The following AGAP1 variants were observed in gnomAD, a reference collection of about 807,000 sequenced individuals.
AGAP1 encodes the protein arf-GAP with GTPase, ANK repeat and PH domain-containing protein 1.
AGAP1 carries 29 observed loss-of-function variants against 105.3 expected under a neutral mutation model. That is an observed-to-expected ratio of 0.28 (90% CI 0.21 to 0.38). The LOEUF (loss-of-function observed/expected upper bound fraction) is 0.38. Among genes scored for constraint, AGAP1 ranks in the 10% least tolerant of loss-of-function variants. AGAP1 has a pLI of 1.00. For missense variants in AGAP1, 998 were observed against 1,165.1 expected (o/e 0.86, Z 2.09); for synonymous variants, 509 against 485.9 (o/e 1.05, Z -0.63).
At chr2:235,531,273 G>A (rs1400483450) in intron 1 of AGAP1, among the ~76,000 whole-genome samples, 1 of 152,202 alleles carries the variant, frequency 6.6e-6, no homozygotes, top group South Asian at 2.1e-4. Context: ...TTTTGCAGCC[G>A]GCCTCACACT....
Position 235,971,574 on chromosome 2 carries a change from C to A in AGAP1, c.1645+2951C>A, listed in dbSNP as rs989577884. On this transcript the variant is annotated intron_variant, in intron 13 of 17. Transcript: ENST00000304032. This position sits in a 1 kb window ranked among gnomAD's most constrained non-coding sequence, Gnocchi z 4.8. ...ATTAGCTGGGCATGGTGGCAGGTCC[C>A]AGCTACTTGGGAGGCTGAGGCAGGA... is the stretch of plus-strand genomic sequence containing the variant. 4.0e-5 allele frequency among the ~76,000 whole-genome samples: 6 copies of A among 151,824 alleles called. No individual in the cohort carries two copies. The highest frequency in any genetic ancestry group is 1.5e-4 in the African/African-American group (6 of 41,350).
intron 13 of AGAP1, among the ~76,000 whole-genome samples, chr2:235,987,549 ATC>A (rs2055373579): frequency 8.1e-6 from 1 of 123,006 alleles, no homozygotes; most frequent in Non-Finnish European, 1.6e-5. Context: ...TCTCTACTCT[ATC>A]AATTCTTCTC....
At chr2:236,075,427 T>C (rs956307589) in intron 16 of AGAP1, among the ~76,000 whole-genome samples, 2 of 152,092 alleles carry the variant, frequency 1.3e-5, no homozygotes, top group Non-Finnish European at 2.9e-5. Context: ...GACAGATGAA[T>C]GGGGGATGAA....
intron 9 of AGAP1, among the ~76,000 whole-genome samples, chr2:235,833,870 T>A (rs2106355465): frequency 6.6e-6 from 1 of 151,570 alleles, no homozygotes; most frequent in African/African-American, 2.4e-5. Context: ...TTTTTTTTTT[T>A]TTTTAAAGCT....
At chr2:235,573,739 G>A (rs1559259747) in intron 1 of AGAP1, among the ~76,000 whole-genome samples, 1 of 152,222 alleles carries the variant, frequency 6.6e-6, no homozygotes. Flanking sequence ...CAGCAGGTGG[G>A]CTTGGCAGGT....
At position 235,517,467 on chromosome 2, in the gene AGAP1, T is replaced by G. The variant is rs754538448; in HGVS notation, c.163+22618T>G. Among the ~76,000 whole-genome samples, 25 of 152,178 alleles carry G rather than the reference T, an allele frequency of 1.6e-4. No individual in the cohort carries two copies. Among genetic ancestry groups the G allele is most frequent in the Non-Finnish European group, 2.9e-4 (20 of 68,040 alleles). ...CATAGCTGTGCCCAACGTAGATCTT[T>G]ATGGTAATTTTATTTTAATTGAGGT... On this transcript the variant is annotated intron_variant, in intron 1 of 17. Transcript: ENST00000304032. The surrounding 1 kb of genome is among the most constrained non-coding windows in gnomAD (Gnocchi z 4.1).
Position 236,097,332 on chromosome 2 carries a change from T to C in AGAP1, c.2115-22860T>C, listed in dbSNP as rs193242700. 7.2e-5 allele frequency among the ~76,000 whole-genome samples: 11 copies of C among 151,830 alleles called. No homozygotes were observed. In the East Asian group the frequency reaches 1.9e-3, roughly 27 times the overall value. On this transcript the variant is annotated intron_variant, in intron 16 of 17. Transcript: ENST00000304032. Reference sequence around the variant, plus strand: ...AGCAAAGGAGCACCAGATTCTGGATTTTTTAACTGTCATGAAATATACATA... The same window carrying C: ...AGCAAAGGAGCACCAGATTCTGGATCTTTTAACTGTCATGAAATATACATA...
At chr2:235,543,027 C>A (rs11504875) in intron 1 of AGAP1, among the ~76,000 whole-genome samples, 8,335 of 150,500 alleles carry the variant, frequency 0.055, 734 homozygotes, top group African/African-American at 0.19. Flanking sequence ...ACCTGTTTGT[C>A]GAGTTGAGCC....
intron 1 of AGAP1, among the ~76,000 whole-genome samples, chr2:235,572,224 C>CTG (rs1377056591): frequency 2.0e-5 from 3 of 151,360 alleles, no homozygotes; most frequent in East Asian, 2.0e-4. Flanking sequence ...GTGCCGTGCC[C>CTG]TGTGTGTGTG....
chr2:235,673,998 A>G (rs1948584869), intron 1 of AGAP1, among the ~76,000 whole-genome samples: 1 of 152,250 alleles, frequency 6.6e-6, no homozygotes, highest in Non-Finnish European at 1.5e-5. Flanking sequence ...ATTTTAAAGC[A>G]CACACAGGCT....
At chr2:235,619,982 C>T (rs1256939719) in intron 1 of AGAP1, among the ~76,000 whole-genome samples, 2 of 152,174 alleles carry the variant, frequency 1.3e-5, no homozygotes, top group Non-Finnish European at 2.9e-5. Flanking sequence ...GCATGGCTGT[C>T]CCAAGGAGAC....
intron 1 of AGAP1, among the ~76,000 whole-genome samples, chr2:235,630,336 G>C (rs1039054937): frequency 6.6e-6 from 1 of 151,866 alleles, no homozygotes. Flanking sequence ...TCAACCTCCC[G>C]AGTAGTTGGG....
At chr2:235,858,590 A>AT (rs2048783775) in intron 9 of AGAP1, among the ~76,000 whole-genome samples, 1 of 152,306 alleles carries the variant, frequency 6.6e-6, no homozygotes, top group Non-Finnish European at 1.5e-5. Flanking sequence ...CTGAGAGATG[A>AT]TAAAAAAAAA....
rs1015502597 is a variant in AGAP1, at chr2:235,752,964, G to A, written c.673+2476G>A. On this transcript the variant is annotated intron_variant, in intron 6 of 17. Coordinates refer to ENST00000304032, the MANE Select transcript of AGAP1 (RefSeq NM_001037131.3). This position sits in a 1 kb window ranked among gnomAD's most constrained non-coding sequence, Gnocchi z 4.3. ...GTCTGCTGAGGGCCATCCTCCTAGT[G>A]GGATATGTGTTTGCATAGTGGAGAA... Among the ~76,000 whole-genome samples the A allele has an allele frequency of 2.1e-4, 32 of 152,160 alleles. No individual in the cohort carries two copies. The highest frequency in any genetic ancestry group is 1.3e-3 in the Admixed American group (20 of 15,282).
chr2:235,743,593 C>G (rs1952715924), intron 4 of AGAP1, among the ~76,000 whole-genome samples: 1 of 152,168 alleles, frequency 6.6e-6, no homozygotes, highest in Admixed American at 6.5e-5. Flanking sequence ...GTATTTATCA[C>G]TAGAACTTTG....
rs1308705815 is a variant in AGAP1 at position 235,891,190 on chromosome 2, C to G, written c.1155+7741C>G. ...CTGGCCGCACTTGCTGCAGTACTGA[C>G]CGCCCTAACAGCTCCTTTATCTCCA... is the stretch of plus-strand genomic sequence containing the variant. On this transcript the variant is annotated intron_variant, in intron 10 of 17. Transcript: ENST00000304032. The surrounding 1 kb of genome is among the most constrained non-coding windows in gnomAD (Gnocchi z 4.2). Among the ~76,000 whole-genome samples, 1 of 152,178 alleles carries G rather than the reference C, an allele frequency of 6.6e-6. No individual in the cohort carries two copies. The highest frequency in any genetic ancestry group is 1.5e-5 in the Non-Finnish European group (1 of 68,036).
At chr2:235,707,548 G>A (rs1049982259) in intron 1 of AGAP1, among the ~76,000 whole-genome samples, 3 of 132,752 alleles carry the variant, frequency 2.3e-5, no homozygotes, top group Admixed American at 8.8e-5. Context: ...GTGCTCCCCC[G>A]GCGTGTGACC....
chr2:235,843,466 G>A lies in AGAP1; in HGVS notation c.1050+36135G>A, dbSNP rs908782551. Among the ~76,000 whole-genome samples, 4 of 152,082 alleles carry A rather than the reference G, an allele frequency of 2.6e-5. No individual in the cohort carries two copies. The highest frequency in any genetic ancestry group is 9.7e-5 in the African/African-American group (4 of 41,408). On this transcript the variant is annotated intron_variant, in intron 9 of 17. Coordinates refer to ENST00000304032, the MANE Select transcript of AGAP1 (RefSeq NM_001037131.3). This position sits in a 1 kb window ranked among gnomAD's most constrained non-coding sequence, Gnocchi z 5.9. ...CTGGAAAGGTATTTTCTGGGGCCAG[G>A]GAGCAATGTTACCATTTCCAGAAAA...
chr2:235,885,571 G>C (rs561657003), intron 10 of AGAP1, among the ~76,000 whole-genome samples: 6 of 152,152 alleles, frequency 3.9e-5, no homozygotes, highest in Non-Finnish European at 7.3e-5. Flanking sequence ...TATCTCATCT[G>C]GCAGTGTATA....
Sources: allele counts gnomAD v4.1 joint callset (sites outside exome capture counted in the v4.1 genomes callset), GRCh38; gene constraint gnomAD v4.1.1; non-coding constraint Gnocchi (gnomAD v3.1); transcripts MANE v1.5; gene names NCBI Gene and HGNC (gene_info 2026-07-23, HGNC 2026-07-21).